The following IFT43 variants were observed in gnomAD, a reference collection of about 807,000 sequenced individuals.
IFT43 encodes intraflagellar transport 43, also known as intraflagellar transport protein 43 homolog.
In IFT43, 33 loss-of-function variants were observed where a neutral mutation model predicts 32.3. The ratio of observed to expected loss-of-function variants is 1.02; its 90% confidence interval spans 0.77 to 1.37. IFT43 has a LOEUF of 1.37. Among genes scored for constraint, IFT43 ranks in the 40% most tolerant of loss-of-function variants. IFT43 has a pLI of 0.00. For missense variants in IFT43, 274 were observed against 265.9 expected, an observed-to-expected ratio of 1.03 and a Z score of -0.21; for synonymous variants, 93 against 98.2, an observed-to-expected ratio of 0.95 and a Z score of 0.31.
chr14:76,007,949 C>G (rs1304088480), intron 2 of IFT43, among the ~76,000 whole-genome samples: 1 of 152,184 alleles, frequency 6.6e-6, no homozygotes, highest in Non-Finnish European at 1.5e-5. Flanking sequence ...GAAATCTGTT[C>G]TCTTTGGATC....
At chr14:76,043,215 A>G (rs1261592242) in intron 3 of IFT43, among the ~76,000 whole-genome samples, 4 of 152,212 alleles carry the variant, frequency 2.6e-5, no homozygotes, top group Non-Finnish European at 5.9e-5. Flanking sequence ...TTTCTGAGTT[A>G]TTATATTACC....
chr14:76,053,901 G>GA (rs1387680688), intron 3 of IFT43, among the ~76,000 whole-genome samples: 1 of 152,216 alleles, frequency 6.6e-6, no homozygotes, highest in Non-Finnish European at 1.5e-5. Flanking sequence ...ACTTGGGCGT[G>GA]AATTTCAGGA....
chr14:76,010,679 T>G lies in IFT43; in HGVS notation c.148-11648T>G, dbSNP rs116745371. On this transcript the variant is annotated intron_variant, in intron 2 of 8. Transcript: ENST00000314067. ...TGTTACTTAGATACTTCAGCATATA[T>G]CTAAAAAAAAAGATATTTTCCTAGA... is the stretch of plus-strand genomic sequence containing the variant. Among the ~76,000 whole-genome samples the G allele has an allele frequency of 5.8e-3, 888 of 151,954 alleles. 6 individuals are homozygous for G. Among genetic ancestry groups the G allele is most frequent in the African/African-American group, 0.02 (840 of 41,504 alleles).
intron 3 of IFT43, among the ~76,000 whole-genome samples, chr14:76,034,432 T>C (rs2036562835): frequency 6.6e-6 from 1 of 152,122 alleles, no homozygotes; most frequent in South Asian, 2.1e-4. Context: ...CATTGGGGAT[T>C]AGGATTTCAA....
intron 3 of IFT43, among the ~76,000 whole-genome samples, chr14:76,046,495 C>T (rs1195072918): frequency 6.6e-6 from 1 of 152,076 alleles, no homozygotes; most frequent in African/African-American, 2.4e-5. Flanking sequence ...GCACACCCAG[C>T]CAGCACCCAT....
chr14:76,022,557 TCA>T (rs1455289738), intron 3 of IFT43, 163 bp downstream of exon 3: 2 of 545,998 alleles, frequency 3.7e-6, no homozygotes, highest in African/African-American at 1.9e-5. Flanking sequence ...CTTAATATAT[TCA>T]CAGAGTTGTG....
intron 5 of IFT43, among the ~76,000 whole-genome samples, chr14:76,065,043 A>G (rs1379857665): frequency 6.6e-6 from 1 of 152,356 alleles, no homozygotes; most frequent in East Asian, 1.9e-4. Context: ...TGTACTGGCC[A>G]CCATCGGGGC....
At chr14:75,997,508 C>G (rs2035769879) in intron 2 of IFT43, among the ~76,000 whole-genome samples, 1 of 152,232 alleles carries the variant, frequency 6.6e-6, no homozygotes, top group Non-Finnish European at 1.5e-5. Context: ...CAAGAAAAAT[C>G]TCCGAGGTAT....
chr14:76,057,873 T>A (rs2037050863), intron 3 of IFT43, among the ~76,000 whole-genome samples: 1 of 152,234 alleles, frequency 6.6e-6, no homozygotes, highest in African/African-American at 2.4e-5. Context: ...TCAACTTTAA[T>A]AATCATCAAC....
At chr14:76,021,740 A>G (rs2036295676) in intron 2 of IFT43, among the ~76,000 whole-genome samples, 1 of 152,248 alleles carries the variant, frequency 6.6e-6, no homozygotes, top group African/African-American at 2.4e-5. Context: ...CTAGGATTAG[A>G]ATTGCTAGGT....
At chr14:76,062,705 T>A (rs1399573163) in intron 5 of IFT43, among the ~76,000 whole-genome samples, 1 of 70 alleles carries the variant, frequency 0.014, no homozygotes, top group Admixed American at 0.5. Context: ...TTGCCTGAGG[T>A]CAGGATTCAA....
rs1183105505 is a variant in IFT43, at chr14:76,058,194, T to C, written c.216-448T>C. The C allele has an allele frequency of 5.7e-5, 14 of 246,812 alleles. No individual in the cohort carries two copies. The South Asian group carries it at 6.3e-4, about 11-fold the overall frequency. The allele number at this position is 246,812 out of a possible 1,614,324, so 15.3% of individuals were successfully genotyped here. A position where few individuals can be genotyped will look rare whatever the true frequency, so the allele number is the denominator to read the frequency against. On this transcript the variant is annotated intron_variant, in intron 3 of 8. Coordinates refer to ENST00000314067, the MANE Select transcript of IFT43 (RefSeq NM_001102564.3). ...TCGTGTGAAGGGCACAGAAAAGCAG[T>C]TCCAAAGTCTGAAGCCTGAACTGCG...
At position 76,082,783 on chromosome 14, in the gene IFT43, C is replaced by T. The variant is rs979751746; in HGVS notation, c.444+91C>T. Reference sequence around the variant, plus strand: ...TCTCAGTTCCTCCCAAGCTATACAGCGCCTCCACCAGTCCCCTGAGGCTGC... The same window carrying T: ...TCTCAGTTCCTCCCAAGCTATACAGTGCCTCCACCAGTCCCCTGAGGCTGC... On this transcript the variant is annotated intron_variant, in intron 7 of 8. Transcript: ENST00000314067. 33 of 972,468 alleles carry T rather than the reference C, an allele frequency of 3.4e-5. 1 individual carries two copies. The highest frequency in any genetic ancestry group is 6.4e-5 in the South Asian group (5 of 78,262). The allele number at this position is 972,468 out of a possible 1,614,324, so 60.2% of individuals were successfully genotyped here.
chr14:76,009,809 T>C (rs2036046660), intron 2 of IFT43, among the ~76,000 whole-genome samples: 1 of 152,080 alleles, frequency 6.6e-6, no homozygotes, highest in Non-Finnish European at 1.5e-5. Flanking sequence ...TGGTTTTTTT[T>C]TTTGAGACAG....
At chr14:76,067,293 C>G (rs2037240817) in intron 5 of IFT43, among the ~76,000 whole-genome samples, 2 of 152,294 alleles carry the variant, frequency 1.3e-5, no homozygotes, top group East Asian at 3.9e-4. Context: ...AGGCCGGGTA[C>G]AGTGGCTCAC....
intron 3 of IFT43, among the ~76,000 whole-genome samples, chr14:76,040,998 T>C (rs1401417304): frequency 6.6e-6 from 1 of 152,238 alleles, no homozygotes; most frequent in African/African-American, 2.4e-5. Flanking sequence ...CAACTGCCTG[T>C]GGGCTGGCCT....
chr14:76,018,593 A>T (rs1055744828), intron 2 of IFT43, among the ~76,000 whole-genome samples: 1 of 152,076 alleles, frequency 6.6e-6, no homozygotes, highest in Non-Finnish European at 1.5e-5. Context: ...TTAAATTCCC[A>T]GTTTTCTTTA....
intron 5 of IFT43, among the ~76,000 whole-genome samples, chr14:76,061,470 A>G (rs369437469): frequency 4.6e-5 from 7 of 152,106 alleles, no homozygotes; most frequent in Non-Finnish European, 8.8e-5. Flanking sequence ...TGCCCACACA[A>G]TTGTCTCCAC....
chr14:76,060,000 GTTCT>G (rs913704761), intron 5 of IFT43, among the ~76,000 whole-genome samples: 2 of 152,138 alleles, frequency 1.3e-5, no homozygotes. Flanking sequence ...GACAACACAT[GTTCT>G]TTATCTTTGC....
Sources: gnomAD v4.1 joint callset for allele counts (sites outside exome capture counted in the v4.1 genomes callset) on GRCh38, gnomAD v4.1.1 for gene constraint, MANE v1.5 for transcripts, NCBI Gene and HGNC (gene_info 2026-07-23, HGNC 2026-07-21) for gene names.